The following RPSA variants were observed in gnomAD, a reference collection of about 807,000 sequenced individuals.
RPSA encodes the protein ribosomal protein SA.
For missense variants in RPSA, 140 were observed against 372.8 expected (o/e 0.38, Z 5.14); for synonymous variants, 103 against 126.7 (o/e 0.81, Z 1.25).
chr3:39,411,935 A>C lies in RPSA; in HGVS notation c.667A>C (p.Thr223Pro), dbSNP rs2042011792. 2 of 1,599,634 alleles carry C rather than the reference A, an allele frequency of 1.3e-6. No homozygotes were observed. The highest frequency in any genetic ancestry group is 4.5e-5 in the East Asian group (2 of 44,884). The change falls in exon 6 of 7, where the codon ACC becomes CCC. Residue 223 changes from threonine to proline, a missense_variant. Thr to Pro is a conservative substitution (Grantham distance 38). Coordinates refer to ENST00000301821, the MANE Select transcript of RPSA (RefSeq NM_002295.6). The stretch of plus-strand genomic sequence containing the variant: ...GCAGGCTGCTGCTGAGAAGGCAGTG[A>C]CCAAGGAGGAATTTCAGGGTGAATG... ...EEQAAAEKAVTKEEFQGEWTA... is the reference protein window; with the variant it reads ...EEQAAAEKAVPKEEFQGEWTA...
At chr3:39,409,075 ACT>A (rs1227901960) in intron 3 of RPSA, 66 of 156,736 alleles carry the variant, frequency 4.2e-4, no homozygotes, top group African/African-American at 1.1e-3. Context: ...CAGAGCCGAG[ACT>A]CTGTCTCAAA....
chr3:39,408,880 C>T (rs768938821), intron 3 of RPSA, 156 bp downstream of exon 3: 11 of 590,400 alleles, frequency 1.9e-5, no homozygotes, highest in Admixed American at 5.4e-5. Flanking sequence ...CGGCGTATTA[C>T]GAGGTCAGGA....
chr3:39,408,501 C>T, intron 2 of RPSA, 105 bp from the exon 3 acceptor site: 1 of 799,016 alleles, frequency 1.3e-6, no homozygotes, highest in South Asian at 1.3e-5. Context: ...TAGAGCTTGC[C>T]TCTATGACTG....
At chr3:39,408,494 AGCTT>A (rs1221271545) in intron 2 of RPSA, 108 bp from the exon 3 acceptor site, 1 of 791,202 alleles carries the variant, frequency 1.3e-6, no homozygotes, top group Admixed American at 1.7e-5. Context: ...ACACCAGTAG[AGCTT>A]GCCTCTATGA....
At position 39,412,065 on chromosome 3, in the gene RPSA, T is replaced by C. The variant is rs774276672; in HGVS notation, c.793+4T>C. 7 of 1,611,034 alleles carry C rather than the reference T, an allele frequency of 4.3e-6. No individual in the cohort carries two copies. Among genetic ancestry groups the C allele is most frequent in the Non-Finnish European group, 5.9e-6 (7 of 1,179,304 alleles). ...CCTATTCAGCAATTCCCTACTGGTA[T>C]GTATCAGGATAGAGGTGAATCAAGC... On this transcript the variant is annotated splice_donor_region_variant and intron_variant, in intron 6 of 6. Coordinates refer to ENST00000301821, the MANE Select transcript of RPSA (RefSeq NM_002295.6).
In RPSA at chr3:39,408,095, G is replaced by C. The variant is rs978930574; in HGVS notation, c.133+309G>C. ...TTCATAGGTACTTACACAGGCTATT[G>C]AACTGAATTTTGAGTGGAAAGTGGG... On this transcript the variant is annotated intron_variant, in intron 2 of 6. Coordinates refer to ENST00000301821, the MANE Select transcript of RPSA (RefSeq NM_002295.6). The C allele has an allele frequency of 1.0e-5, 4 of 386,912 alleles. No homozygotes were observed. In the Admixed American group the frequency reaches 1.6e-4, roughly 16 times the overall value. The allele number at this position is 386,912 out of a possible 1,614,324, so 24.0% of individuals were successfully genotyped here.
intron 4 of RPSA, 104 bp downstream of exon 4, chr3:39,411,103 C>A: frequency 7.0e-7 from 1 of 1,429,822 alleles, no homozygotes; most frequent in Non-Finnish European, 9.7e-7. Flanking sequence ...GGCCGATGAA[C>A]TCGCAAGTGT....
chr3:39,406,972 G>T (rs1198313251), intron 1 of RPSA: 1 of 451,054 alleles, frequency 2.2e-6, no homozygotes, highest in Non-Finnish European at 4.5e-6. Context: ...GGTGGAGGCC[G>T]CCCTCCAGCG....
chr3:39,409,557 T>G (rs896521497), intron 3 of RPSA, among the ~76,000 whole-genome samples: 1 of 152,258 alleles, frequency 6.6e-6, no homozygotes, highest in Non-Finnish European at 1.5e-5. Flanking sequence ...AACTTTATAA[T>G]TTCATTTTGT....
intron 1 of RPSA, 161 bp from the exon 2 acceptor site, chr3:39,407,460 C>A (rs953769056): frequency 3.0e-6 from 2 of 673,486 alleles, no homozygotes; most frequent in Non-Finnish European, 5.4e-6. Context: ...GTGCGCTGTT[C>A]CGTAATACAC....
chr3:39,407,500 C>T, intron 1 of RPSA, 121 bp from the exon 2 acceptor site: 1 of 776,712 alleles, frequency 1.3e-6, no homozygotes. Context: ...TCTGTTTACC[C>T]TTCACTACAC....
chr3:39,410,269 A>T (rs550125740), intron 3 of RPSA: 1 of 159,952 alleles, frequency 6.3e-6, no homozygotes, highest in South Asian at 1.7e-4. Flanking sequence ...TTGAATTCTA[A>T]GAGTTCTAAC....
intron 3 of RPSA, chr3:39,408,930 CAA>C (rs2041961408): frequency 2.0e-6 from 1 of 510,020 alleles, no homozygotes; most frequent in South Asian, 2.2e-5. Context: ...ACTAAAAATA[CAA>C]AAAATTAGTT....
At chr3:39,409,425 G>A (rs547474030) in intron 3 of RPSA, among the ~76,000 whole-genome samples, 6 of 152,058 alleles carry the variant, frequency 3.9e-5, no homozygotes, top group East Asian at 1.9e-4. Context: ...GGTCTTAAAC[G>A]CCTGATCTCA....
intron 3 of RPSA, among the ~76,000 whole-genome samples, chr3:39,409,539 G>A (rs112105516): frequency 0.021 from 3,237 of 152,316 alleles, 65 homozygotes; most frequent in Non-Finnish European, 0.031. Context: ...GCATCTGGCA[G>A]TATGTTGAAC....
chr3:39,410,419 T>C (rs757484355), intron 3 of RPSA: 81 of 338,192 alleles, frequency 2.4e-4, no homozygotes, highest in Non-Finnish European at 3.8e-4. Context: ...TAGGACCACA[T>C]AGTTTGGTAC....
rs888698981 is a variant in RPSA, at chr3:39,410,891, C to T, written c.390C>T (p.Asp130=). 3.1e-6 allele frequency: 5 copies of T among 1,592,894 alleles called. No individual in the cohort carries two copies. In the African/African-American group the frequency reaches 5.3e-5, roughly 17 times the overall value. The part of the protein sequence containing the change: ...RLLVVTDPRA[D]HQPLTEASYV... ...TTGTGGTTACTGACCCCAGGGCTGA[C>T]CACCAGCCTCTCACGGAGGCATCTT... The change falls in exon 4 of 7, where the codon GAC becomes GAT. Residue 130 remains aspartate (D), a synonymous_variant. Coordinates refer to ENST00000301821, the MANE Select transcript of RPSA (RefSeq NM_002295.6).
chr3:39,410,834 G>C lies in RPSA; in HGVS notation c.333G>C (p.Gln111His). The change falls in exon 4 of 7, where the codon CAG (glutamine) becomes CAC (histidine). Residue 111 changes from glutamine (Q) to histidine (H), a missense_variant. Coordinates refer to ENST00000301821, the MANE Select transcript of RPSA (RefSeq NM_002295.6). ...GRFTPGTFTN[Q>H]IQAAFREPRL... ...TCACTCCTGGAACCTTCACTAACCA[G>C]ATCCAGGCAGCCTTCCGGGAGCCAC... 1 of 1,606,878 alleles carries C rather than the reference G, an allele frequency of 6.2e-7. No homozygotes were observed. Among genetic ancestry groups the C allele is most frequent in the Non-Finnish European group, 8.5e-7 (1 of 1,178,902 alleles).
chr3:39,411,794 G>T lies in RPSA; in HGVS notation c.627+17G>T, dbSNP rs756193947. ...CCTGAAGAGGTAAGCTTCTCCAAAG[G>T]CTTGTGGTTACATAAGCAAATTGGA... On this transcript the variant is annotated intron_variant, in intron 5 of 6. Coordinates refer to ENST00000301821, the MANE Select transcript of RPSA (RefSeq NM_002295.6). 24 of 1,599,690 alleles carry T rather than the reference G, an allele frequency of 1.5e-5. No individual in the cohort carries two copies. In the South Asian group the frequency reaches 2.6e-4, roughly 18 times the overall value.
Sources: gnomAD v4.1 joint callset for allele counts (sites outside exome capture counted in the v4.1 genomes callset) on GRCh38, gnomAD v4.1.1 for gene constraint, MANE v1.5 for transcripts, NCBI Gene and HGNC (gene_info 2026-07-23, HGNC 2026-07-21) for gene names.